STXBP3: variants seen among roughly 807,000 people sequenced by gnomAD.
STXBP3 encodes the protein syntaxin-binding protein 3.
STXBP3 carries 41 observed loss-of-function variants against 85.7 expected under a neutral mutation model. That is an observed-to-expected ratio of 0.48 (90% CI 0.37 to 0.62). The LOEUF (loss-of-function observed/expected upper bound fraction) is 0.62. STXBP3 is among the 20% of genes least tolerant of loss of function. STXBP3 has a pLI of 0.00. For synonymous variants in STXBP3, 229 were observed against 231.7 expected (o/e 0.99, Z 0.10); for missense variants, 563 against 703.1 (o/e 0.80, Z 2.25).
At chr1:108,800,433 A>G in intron 17 of STXBP3, 128 bp downstream of exon 17, 2 of 602,524 alleles carry the variant, frequency 3.3e-6, no homozygotes, top group East Asian at 5.9e-5. Flanking sequence ...CTTTAACTGT[A>G]ACTTGTTTTA....
intron 17 of STXBP3, among the ~76,000 whole-genome samples, chr1:108,802,248 T>C (rs1467683122): frequency 1.3e-5 from 2 of 151,838 alleles, no homozygotes; most frequent in Admixed American, 1.3e-4. Flanking sequence ...AATACAAAAA[T>C]TAGCCGGGCA....
At chr1:108,807,820 G>A (rs987857800) in intron 18 of STXBP3, among the ~76,000 whole-genome samples, 8 of 152,006 alleles carry the variant, frequency 5.3e-5, no homozygotes, top group Admixed American at 2.0e-4. Flanking sequence ...TAGGTGATCC[G>A]CCCGCCTCGG....
chr1:108,798,154 G>A lies in STXBP3; in HGVS notation c.1366G>A (p.Gly456Ser), dbSNP rs1663152407. ...GVPIVPQSQQGKPLRKDRSAE... is the reference protein window; with the variant it reads ...GVPIVPQSQQSKPLRKDRSAE... Reference sequence around the variant, plus strand: ...CCTCTAATTGTATTAGTCTCAACAAGGCAAACCGTTAAGAAAGGATCGGTC... The same window carrying A: ...CCTCTAATTGTATTAGTCTCAACAAAGCAAACCGTTAAGAAAGGATCGGTC... The change falls in exon 16 of 19, where the codon GGC (glycine) becomes AGC (serine). Residue 456 changes from glycine to serine, a missense_variant. By Grantham distance (56) the Gly-to-Ser change is moderately conservative. Coordinates refer to ENST00000370008, the MANE Select transcript of STXBP3 (RefSeq NM_007269.4). 6.2e-7 allele frequency: 1 copy of A among 1,607,160 alleles called. No individual in the cohort carries two copies. Among genetic ancestry groups the A allele is most frequent in the South Asian group, 1.1e-5 (1 of 90,608 alleles).
rs550336862 is a variant in STXBP3 at position 108,756,773 on chromosome 1, A to G, written c.258+7A>G. On this transcript the variant is annotated splice_region_variant and intron_variant, in intron 4 of 18. Coordinates refer to ENST00000370008, the MANE Select transcript of STXBP3 (RefSeq NM_007269.4). The stretch of plus-strand genomic sequence containing the variant: ...CATCACTCCGACATCAAAGGTGAGT[A>G]TTTTGAGACCTTAAAAAGCAGGTTC... 35 of 1,578,972 alleles carry G rather than the reference A, an allele frequency of 2.2e-5. No individual in the cohort carries two copies. Among genetic ancestry groups the G allele is most frequent in the African/African-American group, 2.0e-4 (15 of 74,042 alleles).
At chr1:108,792,242 T>C (rs1309164965) in intron 11 of STXBP3, among the ~76,000 whole-genome samples, 3 of 152,218 alleles carry the variant, frequency 2.0e-5, no homozygotes, top group Non-Finnish European at 4.4e-5. Flanking sequence ...TTTTGATCCA[T>C]GTAGTCCATC....
intron 9 of STXBP3, chr1:108,779,675 G>A (rs1690734): frequency 4.1e-6 from 1 of 242,290 alleles, no homozygotes; most frequent in Middle Eastern, 1.3e-3. Context: ...TTTAAACACA[G>A]GGAATTTGGC....
At chr1:108,794,453 G>A (rs757510206) in intron 12 of STXBP3, among the ~76,000 whole-genome samples, 1 of 152,202 alleles carries the variant, frequency 6.6e-6, no homozygotes, top group East Asian at 1.9e-4. Flanking sequence ...GGAGGGAGAA[G>A]TACAAGCAGG....
At position 108,793,656 on chromosome 1, in the gene STXBP3, T is replaced by A. The variant is rs759520612; in HGVS notation, c.1029+9T>A. The A allele has an allele frequency of 6.2e-7, 1 of 1,606,556 alleles. No individual in the cohort carries two copies. Among genetic ancestry groups the A allele is most frequent in the Admixed American group, 1.7e-5 (1 of 59,808 alleles). The stretch of plus-strand genomic sequence containing the variant: ...GAAAACAGATTACTAAGGTAAGCAG[T>A]ATTGTATATGAGATACCTGATTAGT... On this transcript the variant is annotated intron_variant, in intron 12 of 18. Transcript: ENST00000370008.
rs1661803775 is a variant in STXBP3, at chr1:108,747,110, G to GCCGCGCTCCCCGCTCTTCTCCGCTCCCGT, written c.49+335_49+336insGCTCTTCTCCGCTCCCGTCCGCGCTCCCC. Among the ~76,000 whole-genome samples the GCCGCGCTCCCCGCTCTTCTCCGCTCCCGT allele has an allele frequency of 1.4e-4, 20 of 147,516 alleles. 1 individual carries two copies. The highest frequency in any genetic ancestry group is 4.5e-4 in the African/African-American group (18 of 39,754). On this transcript the variant is annotated intron_variant, in intron 1 of 18. Coordinates refer to ENST00000370008, the MANE Select transcript of STXBP3 (RefSeq NM_007269.4). ...CCCGCGGAGCCCGTGCGTGCCCTCG[G>GCCGCGCTCCCCGCTCTTCTCCGCTCCCGT]CCGCGCTCCCCACTCTTCTCCGCTC... is the stretch of plus-strand genomic sequence containing the variant.
intron 3 of STXBP3, among the ~76,000 whole-genome samples, chr1:108,755,450 AAAAT>A (rs139478117): frequency 0.025 from 3,866 of 152,258 alleles, 176 homozygotes; most frequent in African/African-American, 0.087. Context: ...TTATTTCAAA[AAAAT>A]AAATAAAAAG....
rs1377247290 is a variant in STXBP3 at position 108,752,132 on chromosome 1, T to TA, written c.50-124dup. On this transcript the variant is annotated intron_variant, in intron 1 of 18. Transcript: ENST00000370008. Reference sequence around the variant, plus strand: ...GGATTTTTCCGTAAGGTTTAACAAATATGTATGCTTTTTATGTAGTTTAAC... The same window carrying TA: ...GGATTTTTCCGTAAGGTTTAACAAATAATGTATGCTTTTTATGTAGTTTAAC... 5.0e-6 allele frequency: 4 copies of TA among 793,350 alleles called. No homozygotes were observed. The Admixed American group carries it at 1.1e-4, about 21-fold the overall frequency. The allele number at this position is 793,350 out of a possible 1,614,324, so 49.1% of individuals were successfully genotyped here. A position where few individuals can be genotyped will look rare whatever the true frequency, so the allele number is the denominator to read the frequency against.
At chr1:108,807,281 A>T in intron 17 of STXBP3, 120 bp from the exon 18 acceptor site, 1 of 940,174 alleles carries the variant, frequency 1.1e-6, no homozygotes, top group Non-Finnish European at 1.5e-6. Flanking sequence ...AAAAAAAAAA[A>T]TCAATGTAAT....
chr1:108,771,934 ATCATATATAAATACATATGATATCTG>A (rs1662450851), intron 6 of STXBP3, among the ~76,000 whole-genome samples: 1 of 57,834 alleles, frequency 1.7e-5, no homozygotes, highest in African/African-American at 8.5e-5. Context: ...ATCTATCTGT[ATCATATATAAATACATATGATATCTG>A]TATCATATAT....
Position 108,751,008 on chromosome 1 carries a change from C to T in STXBP3, c.50-1249C>T, listed in dbSNP as rs114847713. Among the ~76,000 whole-genome samples, 1,037 of 152,320 alleles carry T rather than the reference C, an allele frequency of 6.8e-3. 17 individuals carry two copies. The highest frequency in any genetic ancestry group is 0.022 in the African/African-American group (935 of 41,566). On this transcript the variant is annotated intron_variant, in intron 1 of 18. Transcript: ENST00000370008. ...AGTTGGGTGTCTCACCCTCCTGGCA[C>T]ATGGTTTGTTCACCACCTTGGGAGC...
intron 9 of STXBP3, chr1:108,781,532 A>G (rs1662714992): frequency 6.6e-6 from 1 of 152,182 alleles, no homozygotes; most frequent in South Asian, 2.1e-4. Flanking sequence ...CATTAAAGCT[A>G]TCACAATTTT....
intron 3 of STXBP3, among the ~76,000 whole-genome samples, chr1:108,755,638 C>T (rs1187197283): frequency 6.6e-6 from 1 of 152,002 alleles, no homozygotes; most frequent in African/African-American, 2.4e-5. Context: ...TCATATTTAT[C>T]ACAGTATTTT....
At chr1:108,787,493 G>GAAC (rs1255256829) in intron 11 of STXBP3, among the ~76,000 whole-genome samples, 2 of 151,570 alleles carry the variant, frequency 1.3e-5, no homozygotes, top group Non-Finnish European at 2.9e-5. Context: ...AAACAAAACA[G>GAAC]AACAACAACA....
At chr1:108,784,595 C>G (rs776565423) in intron 11 of STXBP3, among the ~76,000 whole-genome samples, 1 of 152,124 alleles carries the variant, frequency 6.6e-6, no homozygotes, top group Admixed American at 6.5e-5. Flanking sequence ...CCTGGTACCT[C>G]CCATATCTCA....
chr1:108,806,618 C>T (rs1295049349), intron 17 of STXBP3, among the ~76,000 whole-genome samples: 2 of 152,134 alleles, frequency 1.3e-5, no homozygotes, highest in Non-Finnish European at 2.9e-5. Flanking sequence ...AGGTCTAATT[C>T]TTAACAGCCA....
Sources: allele counts gnomAD v4.1 joint callset (sites outside exome capture counted in the v4.1 genomes callset), GRCh38; gene constraint gnomAD v4.1.1; transcripts MANE v1.5; gene names NCBI Gene and HGNC (gene_info 2026-07-23, HGNC 2026-07-21).